MARCHF1: variants seen among roughly 807,000 people sequenced by gnomAD.
MARCHF1 encodes the protein E3 ubiquitin-protein ligase MARCHF1.
Under a neutral mutation model 54.2 loss-of-function variants are expected in MARCHF1, and 40 were observed. The ratio of observed to expected loss-of-function variants is 0.74; its 90% CI spans 0.57 to 0.96. The LOEUF (loss-of-function observed/expected upper bound fraction) is 0.96. Among genes scored for constraint, MARCHF1 ranks in the 40% least tolerant of loss-of-function variants. MARCHF1 has a pLI of 0.00. For missense variants in MARCHF1, 586 were observed against 656.5 expected, an observed-to-expected ratio of 0.89 and a Z score of 1.17; for synonymous variants, 236 against 236.3, an observed-to-expected ratio of 1.00 and a Z score of 0.01.
chr4:164,283,469 A>G (rs1423928780), intron 1 of MARCHF1, among the ~76,000 whole-genome samples: 1 of 150,976 alleles, frequency 6.6e-6, no homozygotes, highest in Non-Finnish European at 1.5e-5. Flanking sequence ...GGAAAAACTG[A>G]AAAAAAGACA....
At chr4:164,225,083 A>G (rs1357886171) in intron 1 of MARCHF1, among the ~76,000 whole-genome samples, 2 of 152,062 alleles carry the variant, frequency 1.3e-5, no homozygotes. Flanking sequence ...CCAGGGCTCT[A>G]TGGTGTAAGT....
intron 3 of MARCHF1, among the ~76,000 whole-genome samples, chr4:163,933,908 T>A (rs1751735475): frequency 6.6e-6 from 1 of 152,222 alleles, no homozygotes; most frequent in Non-Finnish European, 1.5e-5. Flanking sequence ...CCAATAAAAA[T>A]TCACTTACAC....
At chr4:163,550,274 T>G (rs1358100313) in intron 8 of MARCHF1, among the ~76,000 whole-genome samples, 1 of 99,906 alleles carries the variant, frequency 1.0e-5, no homozygotes, top group African/African-American at 4.2e-5. Flanking sequence ...AGAGCGAGAC[T>G]CCGTCTCAAA....
intron 2 of MARCHF1, among the ~76,000 whole-genome samples, chr4:164,032,144 T>C (rs1156345505): frequency 2.0e-5 from 3 of 152,204 alleles, no homozygotes; most frequent in Non-Finnish European, 2.9e-5. Context: ...TATTCTCTGA[T>C]GGTAGTTTGT....
chr4:164,268,360 G>T (rs929971494), intron 1 of MARCHF1, among the ~76,000 whole-genome samples: 1 of 152,164 alleles, frequency 6.6e-6, no homozygotes, highest in African/African-American at 2.4e-5. Context: ...AGAAACTCAT[G>T]AGAGCTGGAA....
At position 163,865,149 on chromosome 4, in the gene MARCHF1, C is replaced by A. The variant is rs187160638; in HGVS notation, c.-38-10980G>T. Among the ~76,000 whole-genome samples the A allele has an allele frequency of 9.9e-5, 15 of 151,946 alleles. No individual in the cohort carries two copies. The East Asian group carries it at 2.9e-3, about 29-fold the overall frequency. ...TTGCTATGTGTATCAGACATACACA[C>A]TTTCTCAAGCTTCTGTTTCTCAAAG... On this transcript the variant is annotated intron_variant, in intron 3 of 9. Transcript: ENST00000514618.
At chr4:164,314,112 T>C (rs1379696394) in intron 1 of MARCHF1, among the ~76,000 whole-genome samples, 1 of 152,222 alleles carries the variant, frequency 6.6e-6, no homozygotes, top group African/African-American at 2.4e-5. Context: ...TTTATGCCCA[T>C]TCAGCATGTT....
At position 164,328,624 on chromosome 4, in the gene MARCHF1, G is replaced by C. The variant is rs536808527; in HGVS notation, c.-323+55246C>G. Among the ~76,000 whole-genome samples the C allele has an allele frequency of 1.3e-3, 197 of 152,002 alleles. 3 individuals carry two copies. The highest frequency in any genetic ancestry group is 3.1e-4 in the Non-Finnish European group (21 of 67,960). ...GGCTCACTGCAACCTCTGCCTCCTG[G>C]GTTCAAGCAATTCTCCTGCCTCAGC... On this transcript the variant is annotated intron_variant, in intron 1 of 9. Coordinates refer to ENST00000514618, the MANE Select transcript of MARCHF1 (RefSeq NM_001394959.1).
intron 1 of MARCHF1, among the ~76,000 whole-genome samples, chr4:164,226,385 A>G (rs886763310): frequency 6.6e-6 from 1 of 151,920 alleles, no homozygotes; most frequent in African/African-American, 2.4e-5. Flanking sequence ...CACAGATAAA[A>G]ATAAGTAAAT....
chr4:163,579,992 C>T (rs1023461830), intron 8 of MARCHF1, among the ~76,000 whole-genome samples: 2 of 152,054 alleles, frequency 1.3e-5, no homozygotes, highest in African/African-American at 2.4e-5. Flanking sequence ...TGTCCATGTG[C>T]ACTAAAACTC....
chr4:163,969,981 T>C (rs940206717), intron 3 of MARCHF1, among the ~76,000 whole-genome samples: 28 of 152,180 alleles, frequency 1.8e-4, no homozygotes, highest in Non-Finnish European at 2.2e-4. Context: ...AAAATGACAC[T>C]TGGCAAGAAG....
intron 3 of MARCHF1, among the ~76,000 whole-genome samples, chr4:163,869,464 C>T (rs1750123837): frequency 6.6e-6 from 1 of 152,030 alleles, no homozygotes; most frequent in African/African-American, 2.4e-5. Flanking sequence ...TGAGAGACTG[C>T]AATTCCAGAA....
At chr4:163,899,762 C>G (rs1750896505) in intron 3 of MARCHF1, among the ~76,000 whole-genome samples, 1 of 28,492 alleles carries the variant, frequency 3.5e-5, no homozygotes, top group Admixed American at 6.0e-4. Flanking sequence ...GTCTCACCCA[C>G]TACACACACA....
At chr4:164,048,859 C>T (rs1191007691) in intron 2 of MARCHF1, among the ~76,000 whole-genome samples, 1 of 151,874 alleles carries the variant, frequency 6.6e-6, no homozygotes. Context: ...TTTTGTATAC[C>T]TCTATTTGTC....
intron 3 of MARCHF1, among the ~76,000 whole-genome samples, chr4:163,975,202 A>T (rs1752628580): frequency 6.7e-6 from 1 of 150,274 alleles, no homozygotes; most frequent in African/African-American, 2.4e-5. Flanking sequence ...TCTCTCACAC[A>T]CACACACACA....
intron 5 of MARCHF1, among the ~76,000 whole-genome samples, chr4:163,679,616 CTT>C (rs553157232): frequency 1.1e-3 from 154 of 144,144 alleles, no homozygotes; most frequent in Non-Finnish European, 1.8e-3. Context: ...ATCTCCAATT[CTT>C]TTTTTTTTTT....
chr4:163,962,775 T>G (rs940599715), intron 3 of MARCHF1, among the ~76,000 whole-genome samples: 1 of 151,948 alleles, frequency 6.6e-6, no homozygotes, highest in Non-Finnish European at 1.5e-5. Flanking sequence ...CAAATCTTCT[T>G]AAAATCCTAT....
intron 8 of MARCHF1, among the ~76,000 whole-genome samples, chr4:163,547,635 C>G (rs190616041): frequency 2.0e-5 from 3 of 152,312 alleles, no homozygotes; most frequent in Admixed American, 2.0e-4. Context: ...GTCTCTGCCA[C>G]TTGCTGTCAA....
Position 164,279,932 on chromosome 4 carries a change from A to G in MARCHF1, c.-323+103938T>C, listed in dbSNP as rs774993611. On this transcript the variant is annotated intron_variant, in intron 1 of 9. Transcript: ENST00000514618. ...CAGCTTTACATAACATGAATGAAAT[A>G]CCCAACTAAGTATGTATTATTCTGG... Among the ~76,000 whole-genome samples the G allele has an allele frequency of 4.6e-4, 70 of 151,756 alleles. 1 individual carries two copies. The highest frequency in any genetic ancestry group is 4.3e-4 in the Non-Finnish European group (29 of 67,774).
Sources: gnomAD v4.1 joint callset for allele counts (sites outside exome capture counted in the v4.1 genomes callset) on GRCh38, gnomAD v4.1.1 for gene constraint, MANE v1.5 for transcripts, NCBI Gene and HGNC (gene_info 2026-07-23, HGNC 2026-07-21) for gene names.